AGBL4: variants seen among roughly 807,000 people sequenced by gnomAD.
AGBL4 encodes AGBL carboxypeptidase 4.
A neutral mutation model predicts 66.4 loss-of-function variants in AGBL4; 58 were observed. The ratio of observed to expected loss-of-function variants is 0.87; its 90% CI spans 0.71 to 1.09. The LOEUF (loss-of-function observed/expected upper bound fraction) is 1.09. AGBL4 is among the 50% of genes least tolerant of loss of function. The probability of loss-of-function intolerance (pLI) is 0.00; values close to 1 mark genes in which losing one functional copy is unlikely to be tolerated. For synonymous variants in AGBL4, 234 were observed against 222.9 expected (o/e 1.05, Z -0.44); for missense variants, 579 against 631.0 (o/e 0.92, Z 0.88).
intron 6 of AGBL4, among the ~76,000 whole-genome samples, chr1:48,833,014 C>T (rs911638310): frequency 6.6e-6 from 1 of 152,160 alleles, no homozygotes; most frequent in African/African-American, 2.4e-5. Context: ...GATGATGAGA[C>T]CTCTCTGCCT....
chr1:49,062,085 C>T (rs1304851329), intron 4 of AGBL4, among the ~76,000 whole-genome samples: 4 of 152,166 alleles, frequency 2.6e-5, no homozygotes, highest in African/African-American at 9.7e-5. Flanking sequence ...CTAGATTGCA[C>T]TCTCCTTATG....
chr1:49,634,949 C>A (rs192837465), intron 3 of AGBL4, among the ~76,000 whole-genome samples: 2 of 152,174 alleles, frequency 1.3e-5, no homozygotes, highest in African/African-American at 4.8e-5. Flanking sequence ...ATTTGATGGT[C>A]TAAAATTCCA....
chr1:49,188,183 G>A (rs779296892), intron 4 of AGBL4, among the ~76,000 whole-genome samples: 27 of 151,990 alleles, frequency 1.8e-4, no homozygotes, highest in South Asian at 4.1e-4. Flanking sequence ...GCATGAAAAC[G>A]GGCTAATACA....
intron 2 of AGBL4, among the ~76,000 whole-genome samples, chr1:49,797,358 TG>T (rs1644755577): frequency 6.6e-6 from 1 of 152,170 alleles, no homozygotes; most frequent in African/African-American, 2.4e-5. Context: ...AAGACAAGAT[TG>T]TTACTGTGCC....
At chr1:49,311,071 T>A (rs1308800566) in intron 3 of AGBL4, among the ~76,000 whole-genome samples, 1 of 152,046 alleles carries the variant, frequency 6.6e-6, no homozygotes, top group Non-Finnish European at 1.5e-5. Flanking sequence ...TACTAATTGT[T>A]GAGAGAATAA....
intron 2 of AGBL4, among the ~76,000 whole-genome samples, chr1:49,783,101 C>T (rs1157259218): frequency 6.6e-6 from 1 of 151,972 alleles, no homozygotes; most frequent in Non-Finnish European, 1.5e-5. Context: ...GTCTTGTACT[C>T]CTCAACCTTC....
At chr1:48,790,834 C>G (rs1480031481) in intron 6 of AGBL4, among the ~76,000 whole-genome samples, 3 of 152,178 alleles carry the variant, frequency 2.0e-5, no homozygotes, top group African/African-American at 7.2e-5. Flanking sequence ...AGCCTGTAGT[C>G]CCAGCTACTT....
intron 9 of AGBL4, among the ~76,000 whole-genome samples, chr1:48,619,761 C>T (rs1645379649): frequency 6.6e-6 from 1 of 152,162 alleles, no homozygotes; most frequent in Non-Finnish European, 1.5e-5. Context: ...TAAAGCAAAG[C>T]TTTGCCCTTG....
chr1:48,720,816 A>G (rs1449517360), intron 6 of AGBL4, among the ~76,000 whole-genome samples: 2 of 152,074 alleles, frequency 1.3e-5, no homozygotes, highest in African/African-American at 4.8e-5. Context: ...TCTGAGTGTT[A>G]AGGTACAGGG....
At chr1:48,642,963 T>A (rs545835801) in intron 8 of AGBL4, among the ~76,000 whole-genome samples, 1 of 152,282 alleles carries the variant, frequency 6.6e-6, no homozygotes, top group South Asian at 2.1e-4. Context: ...CACATTTTTG[T>A]CTTTGTGGCT....
intron 3 of AGBL4, among the ~76,000 whole-genome samples, chr1:49,654,853 C>T (rs749383063): frequency 6.6e-6 from 1 of 152,142 alleles, no homozygotes; most frequent in Non-Finnish European, 1.5e-5. Context: ...ATACAGAACA[C>T]TGATGATCTT....
At chr1:49,261,704 G>C (rs1474441234) in intron 3 of AGBL4, among the ~76,000 whole-genome samples, 1 of 150,922 alleles carries the variant, frequency 6.6e-6, no homozygotes, top group African/African-American at 2.4e-5. Context: ...TGGGTAGGAA[G>C]AATCAATATC....
chr1:49,943,027 A>T (rs923523773), intron 1 of AGBL4, among the ~76,000 whole-genome samples: 4 of 152,208 alleles, frequency 2.6e-5, no homozygotes, highest in Non-Finnish European at 5.9e-5. Flanking sequence ...TCTCTAAAGA[A>T]GTCATTCAAA....
intron 2 of AGBL4, among the ~76,000 whole-genome samples, chr1:49,830,975 T>A (rs1047232694): frequency 4.8e-4 from 73 of 152,322 alleles, no homozygotes; most frequent in Non-Finnish European, 1.0e-3. Context: ...ATATATCTGT[T>A]TTGGTACCAG....
intron 4 of AGBL4, among the ~76,000 whole-genome samples, chr1:49,243,749 C>G (rs1651419634): frequency 6.6e-6 from 1 of 151,454 alleles, no homozygotes; most frequent in African/African-American, 2.4e-5. Flanking sequence ...AACTCTGAAG[C>G]AATGTAAGTA....
chr1:49,329,520 G>A (rs1645289613), intron 3 of AGBL4, among the ~76,000 whole-genome samples: 1 of 151,930 alleles, frequency 6.6e-6, no homozygotes, highest in Non-Finnish European at 1.5e-5. Flanking sequence ...ACAAAAATTA[G>A]CCGGACGGGG....
intron 1 of AGBL4, among the ~76,000 whole-genome samples, chr1:49,964,258 G>T (rs1017216623): frequency 3.3e-5 from 5 of 152,070 alleles, no homozygotes; most frequent in African/African-American, 1.2e-4. Flanking sequence ...CTGGATTTAA[G>T]TCCTTCATCC....
At chr1:49,263,564 A>T (rs1479808054) in intron 3 of AGBL4, among the ~76,000 whole-genome samples, 1 of 152,154 alleles carries the variant, frequency 6.6e-6, no homozygotes, top group African/African-American at 2.4e-5. Flanking sequence ...AGTTGAGGAA[A>T]TATAAATTAA....
At chr1:49,826,472 C>T (rs1645513238) in intron 2 of AGBL4, among the ~76,000 whole-genome samples, 1 of 151,886 alleles carries the variant, frequency 6.6e-6, no homozygotes, top group Non-Finnish European at 1.5e-5. Flanking sequence ...CAAGTTAACA[C>T]ATCTACACTT....
Sources: allele counts gnomAD v4.1 joint callset (sites outside exome capture counted in the v4.1 genomes callset), GRCh38; gene constraint gnomAD v4.1.1; transcripts MANE v1.5; gene names NCBI Gene and HGNC (gene_info 2026-07-23, HGNC 2026-07-21).